Variants in COLEC12 observed in about 807,000 individuals in gnomAD.
COLEC12 encodes the protein collectin subfamily member 12.
In COLEC12, 33 loss-of-function variants were observed where a neutral mutation model predicts 71.1. That is an observed-to-expected ratio of 0.46 (90% CI 0.35 to 0.62). COLEC12 has a LOEUF of 0.62. COLEC12 is among the 20% of genes least tolerant of loss of function. The probability of loss-of-function intolerance (pLI) is 0.00; values close to 1 mark genes in which losing one functional copy is unlikely to be tolerated. For synonymous variants in COLEC12, 350 were observed against 353.0 expected, an observed-to-expected ratio of 0.99 and a Z score of 0.10; for missense variants, 765 against 916.1, an observed-to-expected ratio of 0.84 and a Z score of 2.13.
intron 2 of COLEC12, among the ~76,000 whole-genome samples, chr18:425,217 C>T (rs73944720): frequency 7.8e-4 from 119 of 152,302 alleles, no homozygotes; most frequent in African/African-American, 2.7e-3. Flanking sequence ...AACTCAAACC[C>T]GTGAGTTGCA....
intron 1 of COLEC12, among the ~76,000 whole-genome samples, chr18:496,606 CTG>C (rs1917718159): frequency 6.6e-6 from 1 of 152,188 alleles, no homozygotes; most frequent in Admixed American, 6.5e-5. Flanking sequence ...AGCAAAAAGA[CTG>C]TGAGTCCCAA....
chr18:474,119 T>C (rs1237888214), intron 2 of COLEC12, among the ~76,000 whole-genome samples: 2 of 152,214 alleles, frequency 1.3e-5, no homozygotes, highest in Non-Finnish European at 2.9e-5. Context: ...ATTAAAAATT[T>C]TGGGATGCTG....
At chr18:441,137 G>A (rs1013960821) in intron 2 of COLEC12, among the ~76,000 whole-genome samples, 150 of 142,936 alleles carry the variant, frequency 1.0e-3, no homozygotes, top group East Asian at 0.01. Flanking sequence ...AGTCCCAGCT[G>A]CTGGGGAGGC....
At chr18:420,039 A>G (rs9303945) in intron 2 of COLEC12, among the ~76,000 whole-genome samples, 50,466 of 152,012 alleles carry the variant, frequency 0.33, 8,763 homozygotes, top group Middle Eastern at 0.44. Flanking sequence ...AGACAGTGCC[A>G]GGCCGCCCCC....
intron 1 of COLEC12, among the ~76,000 whole-genome samples, chr18:493,748 A>G (rs1917660163): frequency 6.6e-6 from 1 of 152,272 alleles, no homozygotes; most frequent in South Asian, 2.1e-4. Context: ...ATTATAAATA[A>G]TAAAACAGAA....
chr18:432,533 C>T (rs1373419977), intron 2 of COLEC12, among the ~76,000 whole-genome samples: 1 of 152,142 alleles, frequency 6.6e-6, no homozygotes, highest in Non-Finnish European at 1.5e-5. Flanking sequence ...CTAATTGATA[C>T]ATTAGGGAAA....
At chr18:360,520 G>GTGATGCTGATGCTGATGCTGATGC (rs59329972) in intron 2 of COLEC12, among the ~76,000 whole-genome samples, 2 of 151,922 alleles carry the variant, frequency 1.3e-5, no homozygotes, top group African/African-American at 4.8e-5. Flanking sequence ...AAGTTCCCAG[G>GTGATGCTGATGCTGATGCTGATGC]TGATGCTGAT....
intron 2 of COLEC12, among the ~76,000 whole-genome samples, chr18:476,147 C>A (rs893220719): frequency 6.6e-6 from 1 of 152,152 alleles, no homozygotes; most frequent in African/African-American, 2.4e-5. Flanking sequence ...ACATCTGATA[C>A]CCCGTTTTGG....
chr18:353,287 C>A (rs1471941391), intron 3 of COLEC12, among the ~76,000 whole-genome samples: 2 of 152,268 alleles, frequency 1.3e-5, no homozygotes, highest in Non-Finnish European at 1.5e-5. Flanking sequence ...CTGCTCTTTG[C>A]CGGATGCACT....
intron 2 of COLEC12, among the ~76,000 whole-genome samples, chr18:369,448 T>A (rs1273661536): frequency 5.6e-5 from 5 of 89,834 alleles, no homozygotes; most frequent in African/African-American, 2.2e-4. Flanking sequence ...TTTGGAATAA[T>A]GTTTTTTTTT....
At chr18:322,740 C>G (rs535634151) in intron 8 of COLEC12, among the ~76,000 whole-genome samples, 1 of 152,230 alleles carries the variant, frequency 6.6e-6, no homozygotes, top group Non-Finnish European at 1.5e-5. Context: ...TAAACAATGA[C>G]TCATTACCGC....
At chr18:499,795 T>C (rs998090259) in intron 1 of COLEC12, among the ~76,000 whole-genome samples, 1 of 152,224 alleles carries the variant, frequency 6.6e-6, no homozygotes, top group Non-Finnish European at 1.5e-5. Context: ...CATCTGACAC[T>C]TCCATAAACC....
At chr18:354,494 T>C (rs1445613864) in intron 3 of COLEC12, among the ~76,000 whole-genome samples, 1 of 152,256 alleles carries the variant, frequency 6.6e-6, no homozygotes, top group Non-Finnish European at 1.5e-5. Flanking sequence ...TTCAGAGGAA[T>C]GCCTTATTGT....
chr18:395,937 C>A (rs922187885), intron 2 of COLEC12, among the ~76,000 whole-genome samples: 2 of 152,210 alleles, frequency 1.3e-5, no homozygotes, highest in African/African-American at 4.8e-5. Flanking sequence ...TTTATTCCTG[C>A]TGTGGACCCA....
At chr18:339,639 C>T (rs769368996) in intron 5 of COLEC12, among the ~76,000 whole-genome samples, 12 of 152,166 alleles carry the variant, frequency 7.9e-5, no homozygotes, top group Non-Finnish European at 1.8e-4. Context: ...AACTGGCAAG[C>T]CCACTGTGAT....
At chr18:453,857 C>G (rs1328524276) in intron 2 of COLEC12, among the ~76,000 whole-genome samples, 4 of 152,094 alleles carry the variant, frequency 2.6e-5, no homozygotes, top group Non-Finnish European at 5.9e-5. Context: ...TAAAAGTCAC[C>G]CTTAATCTCA....
intron 2 of COLEC12, among the ~76,000 whole-genome samples, chr18:458,829 G>A (rs72865634): frequency 0.019 from 2,832 of 152,276 alleles, 61 homozygotes; most frequent in Non-Finnish European, 0.023. Context: ...ATTTTGCACA[G>A]GAGGTACTCA....
At chr18:460,672 G>A (rs1164349847) in intron 2 of COLEC12, among the ~76,000 whole-genome samples, 7 of 152,178 alleles carry the variant, frequency 4.6e-5, no homozygotes, top group Admixed American at 3.9e-4. Flanking sequence ...GAAGCCCAGG[G>A]CCAACTCTCT....
At chr18:487,404 T>TA (rs1165973624) in intron 1 of COLEC12, among the ~76,000 whole-genome samples, 1 of 152,040 alleles carries the variant, frequency 6.6e-6, no homozygotes, top group African/African-American at 2.4e-5. Flanking sequence ...TAATGATGAA[T>TA]AAAAAATATG....
Sources: allele counts gnomAD v4.1 joint callset (sites outside exome capture counted in the v4.1 genomes callset), GRCh38; gene constraint gnomAD v4.1.1; transcripts MANE v1.5; gene names NCBI Gene and HGNC (gene_info 2026-07-23, HGNC 2026-07-21).